Variants in MCF2L observed in about 807,000 individuals in gnomAD.
The protein encoded by MCF2L is guanine nucleotide exchange factor DBS.
In MCF2L, 97 loss-of-function variants were observed where a neutral mutation model predicts 153.4. The ratio of observed to expected loss-of-function variants is 0.63; its 90% CI spans 0.54 to 0.75. The LOEUF is 0.75. Ranked by LOEUF, MCF2L falls within the 30% of genes least tolerant of loss-of-function variation. The probability of loss-of-function intolerance (pLI) is 0.00; values close to 1 mark genes in which losing one functional copy is unlikely to be tolerated. For missense variants in MCF2L, 1,347 were observed against 1,495.2 expected, an observed-to-expected ratio of 0.90 and a Z score of 1.64; for synonymous variants, 659 against 632.2, an observed-to-expected ratio of 1.04 and a Z score of -0.64.
At chr13:112,989,314 G>A (rs1443997718) in intron 1 of MCF2L, among the ~76,000 whole-genome samples, 1 of 130,824 alleles carries the variant, frequency 7.6e-6, no homozygotes, top group East Asian at 2.4e-4. Flanking sequence ...CTGAGCAGGG[G>A]ATGGAACTAC....
At chr13:112,917,224 C>G (rs1218874815) in intron 2 of MCF2L, 3 of 468,922 alleles carry the variant, frequency 6.4e-6, no homozygotes. Flanking sequence ...CCTGCCTCCG[C>G]AGAGCCTCCA....
rs1283012770 is a variant in MCF2L at position 113,028,799 on chromosome 13, TGTGA to T, written c.278+4045_278+4048del. 7.2e-5 allele frequency among the ~76,000 whole-genome samples: 11 copies of T among 152,008 alleles called. No individual in the cohort carries two copies. The highest frequency in any genetic ancestry group is 1.5e-4 in the Non-Finnish European group (10 of 67,952). On this transcript the variant is annotated intron_variant, in intron 3 of 29. Coordinates refer to ENST00000535094, the MANE Select transcript of MCF2L (RefSeq NM_001112732.3). This position sits in a 1 kb window ranked among gnomAD's most constrained non-coding sequence, Gnocchi z 5.4. ...TCAGTGTGGGTGTCTGAGTGTGTGG[TGTGA>T]GTGTGTGTAATGTGAGCCTGTGGTG...
chr13:112,947,173 C>T (rs2081646270), intron 2 of MCF2L, among the ~76,000 whole-genome samples: 2 of 152,094 alleles, frequency 1.3e-5, no homozygotes, highest in African/African-American at 4.8e-5. Flanking sequence ...AGGGAGGAGC[C>T]CTTGTCCTAA....
At chr13:112,936,871 A>G (rs1243058862) in intron 2 of MCF2L, among the ~76,000 whole-genome samples, 1 of 152,184 alleles carries the variant, frequency 6.6e-6, no homozygotes, top group Non-Finnish European at 1.5e-5. Flanking sequence ...ATGCCGTGAA[A>G]TAGTTTTTAC....
Position 113,058,995 on chromosome 13 carries a change from C to CTGAGTGTTT in MCF2L, c.370-1598_370-1597insTGAGTGTTT, listed in dbSNP as rs1382598106. Among the ~76,000 whole-genome samples, 529 of 146,544 alleles carry CTGAGTGTTT rather than the reference C, an allele frequency of 3.6e-3. 4 individuals are homozygous for CTGAGTGTTT. Among genetic ancestry groups the CTGAGTGTTT allele is most frequent in the African/African-American group, 0.012 (501 of 40,446 alleles). On this transcript the variant is annotated intron_variant, in intron 4 of 29. Transcript: ENST00000535094. Reference sequence around the variant, plus strand: ...TGTTTGGGTGCTGAGTGTTTCAGTGCCATTTGGGTGCTGAGTGGGTGCTGA... The same window carrying CTGAGTGTTT: ...TGTTTGGGTGCTGAGTGTTTCAGTGCTGAGTGTTTCATTTGGGTGCTGAGTGGGTGCTGA...
intron 1 of MCF2L, among the ~76,000 whole-genome samples, chr13:112,896,637 C>T (rs561792169): frequency 1.3e-5 from 2 of 152,330 alleles, no homozygotes; most frequent in South Asian, 2.1e-4. Context: ...GCTCCTGGAG[C>T]AGCCACAGTT....
chr13:113,056,259 G>A (rs1432759132), intron 4 of MCF2L, among the ~76,000 whole-genome samples: 1 of 150,906 alleles, frequency 6.6e-6, no homozygotes, highest in African/African-American at 2.4e-5. Context: ...CCATGTTTGG[G>A]TGCTGAGTGT....
rs1380032306 is a variant in MCF2L at position 112,969,482 on chromosome 13, G to C, written c.79+24G>C. ...GGGTAGGAGGAGCTGCTGGCCGTCA[G>C]TGATCTGTGCTTAAGCTTGACATCA... is the stretch of plus-strand genomic sequence containing the variant. On this transcript the variant is annotated intron_variant, in intron 1 of 29. Coordinates refer to ENST00000535094, the MANE Select transcript of MCF2L (RefSeq NM_001112732.3). The surrounding 1 kb of genome is among the most constrained non-coding windows in gnomAD (Gnocchi z 4.8). 1.3e-6 allele frequency: 2 copies of C among 1,550,112 alleles called. No individual in the cohort carries two copies. The highest frequency in any genetic ancestry group is 8.7e-7 in the Non-Finnish European group (1 of 1,146,654).
chr13:113,005,284 G>A (rs539109464), intron 1 of MCF2L, among the ~76,000 whole-genome samples: 6 of 152,340 alleles, frequency 3.9e-5, no homozygotes, highest in South Asian at 2.1e-4. Context: ...GCAAAGCCAC[G>A]GCCCCACTCG....
Position 113,075,215 on chromosome 13 carries a change from C to G in MCF2L, c.1308+26C>G, listed in dbSNP as rs746586382. 1.9e-6 allele frequency: 3 copies of G among 1,562,242 alleles called. No homozygotes were observed. In the Admixed American group the frequency reaches 5.3e-5, roughly 28 times the overall value. ...GTAGGCCGAGCCGGACCCCACCCCA[C>G]TCCCCCCCAGCTGCGGAACCAGCCT... On this transcript the variant is annotated intron_variant, in intron 11 of 29. Coordinates refer to ENST00000535094, the MANE Select transcript of MCF2L (RefSeq NM_001112732.3).
At chr13:112,968,637 G>T, upstream of MCF2L, 2 of 1,526,636 alleles carry the variant, frequency 1.3e-6, no homozygotes, top group Non-Finnish European at 1.8e-6. Flanking sequence ...GGCGCGGGTG[G>T]CATGCGGCCA....
At chr13:113,081,857 G>T (rs927585963) in intron 16 of MCF2L, among the ~76,000 whole-genome samples, 6 of 152,012 alleles carry the variant, frequency 3.9e-5, no homozygotes, top group Admixed American at 3.3e-4. Flanking sequence ...GTGTAGACGG[G>T]TGTCTGATTC....
chr13:113,086,256 C>T lies in MCF2L; in HGVS notation c.2373+7C>T, dbSNP rs374058183. 50 of 1,607,610 alleles carry T rather than the reference C, an allele frequency of 3.1e-5. No homozygotes were observed. Among genetic ancestry groups the T allele is most frequent in the Admixed American group, 3.4e-5 (2 of 59,120 alleles). On this transcript the variant is annotated splice_region_variant and intron_variant, in intron 21 of 29. Coordinates refer to ENST00000535094, the MANE Select transcript of MCF2L (RefSeq NM_001112732.3). The stretch of plus-strand genomic sequence containing the variant: ...CGCTATCACCGGCTATGACGTAAGG[C>T]GCCCAGATGCCCGGTCTTCCCCGCC...
chr13:112,940,316 C>T (rs1049284097), intron 2 of MCF2L, among the ~76,000 whole-genome samples: 1 of 152,256 alleles, frequency 6.6e-6, no homozygotes, highest in African/African-American at 2.4e-5. Context: ...TCTCATCTGT[C>T]TGGAGACAGG....
chr13:112,914,675 A>G (rs1403566418), intron 2 of MCF2L, among the ~76,000 whole-genome samples: 15 of 152,202 alleles, frequency 9.9e-5, no homozygotes, highest in Admixed American at 9.8e-4. Flanking sequence ...TGCTCTCCCA[A>G]TGCAGACTTT....
chr13:113,013,470 G>A (rs771133535), intron 1 of MCF2L, among the ~76,000 whole-genome samples: 22 of 152,224 alleles, frequency 1.4e-4, no homozygotes, highest in Non-Finnish European at 2.4e-4. Context: ...CAGCCAGCAC[G>A]GCCCAGGAGG....
chr13:113,019,569 G>C (rs769727544), intron 2 of MCF2L, among the ~76,000 whole-genome samples: 1 of 152,226 alleles, frequency 6.6e-6, no homozygotes, highest in Non-Finnish European at 1.5e-5. Flanking sequence ...CAGGAATCCC[G>C]TTAGGTTTGG....
chr13:113,078,872 G>A (rs2033802823), intron 15 of MCF2L, 133 bp downstream of exon 15: 1 of 856,328 alleles, frequency 1.2e-6, no homozygotes. Flanking sequence ...TCTTACTTTT[G>A]CACCAACCGA....
At chr13:113,050,735 CGGGGGGAGCG>C (rs1484340345) in intron 4 of MCF2L, among the ~76,000 whole-genome samples, 1 of 4,488 alleles carries the variant, frequency 2.2e-4, no homozygotes, top group East Asian at 2.8e-3. Context: ...GCGGGGGGGG[CGGGGGGAGCG>C]GGGGGGTGCG....
Sources: allele counts gnomAD v4.1 joint callset (sites outside exome capture counted in the v4.1 genomes callset), GRCh38; gene constraint gnomAD v4.1.1; non-coding constraint Gnocchi (gnomAD v3.1); transcripts MANE v1.5; gene names NCBI Gene and HGNC (gene_info 2026-07-23, HGNC 2026-07-21).